Variants in VAV2 observed in about 807,000 individuals in gnomAD.
VAV2 encodes the protein guanine nucleotide exchange factor VAV2.
In VAV2, 67 loss-of-function variants were observed where a neutral mutation model predicts 132.5. The observed-to-expected ratio is 0.51, with a 90% CI of 0.42 to 0.62. VAV2 has a LOEUF of 0.62. Ranked by LOEUF, VAV2 falls within the 20% of genes least tolerant of loss-of-function variation. The pLI is 0.00. For missense variants in VAV2, 938 were observed against 1,153.6 expected (o/e 0.81, Z 2.71); for synonymous variants, 492 against 443.5 (o/e 1.11, Z -1.37).
rs557520408 is a variant in VAV2 at position 133,898,130 on chromosome 9, A to C, written c.322-36698T>G. Among the ~76,000 whole-genome samples the C allele has an allele frequency of 5.3e-5, 8 of 152,184 alleles. No homozygotes were observed. In the East Asian group the frequency reaches 9.6e-4, roughly 18 times the overall value. On this transcript the variant is annotated intron_variant, in intron 2 of 29. Transcript: ENST00000371850. ...TGCATCCGGGTACCCTGAGGCTGGG[A>C]GGGACCTCGGAGATGGGCCTGCCCC...
At chr9:133,858,609 T>C (rs1369806334) in intron 3 of VAV2, among the ~76,000 whole-genome samples, 1 of 152,196 alleles carries the variant, frequency 6.6e-6, no homozygotes, top group Non-Finnish European at 1.5e-5. Context: ...CTACTGTCAC[T>C]GAGTGTGTTT....
Position 133,969,993 on chromosome 9 carries a change from A to G in VAV2, c.204+22082T>C, listed in dbSNP as rs765392191. 1.6e-4 allele frequency among the ~76,000 whole-genome samples: 24 copies of G among 152,040 alleles called. No homozygotes were observed. Among genetic ancestry groups the G allele is most frequent in the Non-Finnish European group, 3.2e-4 (22 of 67,984 alleles). ...TGCAGCCTTCAAGGCAGTGACTCAG[A>G]GTTCCTGCCACCCCCCAGACGTGCA... On this transcript the variant is annotated intron_variant, in intron 1 of 29. Transcript: ENST00000371850. This position sits in a 1 kb window ranked among gnomAD's most constrained non-coding sequence, Gnocchi z 5.1.
At position 133,894,857 on chromosome 9, in the gene VAV2, G is replaced by A. The variant is rs139287597; in HGVS notation, c.322-33425C>T. ...GGCCTGCCATGACGCTATGACCCTA[G>A]GCAGGGTCCAGAGCTGAGCACTCTG... On this transcript the variant is annotated intron_variant, in intron 2 of 29. Transcript: ENST00000371850. 7.0e-3 allele frequency among the ~76,000 whole-genome samples: 1,062 copies of A among 152,232 alleles called. 18 individuals are homozygous for A. The highest frequency in any genetic ancestry group is 0.024 in the African/African-American group (1,014 of 41,542).
intron 2 of VAV2, among the ~76,000 whole-genome samples, chr9:133,923,164 G>A (rs1166860518): frequency 6.6e-6 from 1 of 152,160 alleles, no homozygotes; most frequent in Non-Finnish European, 1.5e-5. Context: ...GCAGAGGACG[G>A]CTATTACCAA....
At position 133,992,245 on chromosome 9, in the gene VAV2, T is replaced by C. The variant is rs780522786; in HGVS notation, c.34A>G (p.Ile12Val). 6 of 1,578,844 alleles carry C rather than the reference T, an allele frequency of 3.8e-6. No homozygotes were observed. The South Asian group carries it at 4.6e-5, about 12-fold the overall frequency. The change falls in exon 1 of 30, where the codon ATC (isoleucine) becomes GTC (valine). Residue 12 changes from isoleucine to valine, a missense_variant. Coordinates refer to ENST00000371850, the MANE Select transcript of VAV2 (RefSeq NM_001134398.2). This position sits in a 1 kb window ranked among gnomAD's most constrained non-coding sequence, Gnocchi z 5.5. ...EQWRQCGRWL[I>V]DCKVLPPNHR... The stretch of plus-strand genomic sequence containing the variant: ...TTGGGCGGCAGGACCTTGCAATCGA[T>C]GAGCCAGCGGCCGCACTGCCGCCAC...
Position 133,992,314 on chromosome 9 carries a change from C to G in VAV2, c.-36G>C, listed in dbSNP as rs548952971. ...GGCCCGACCGGCTCAGGGCAGTGCT[C>G]GAGCCAAAGTGCAGCGGCCGCGGGG... On this transcript the variant is annotated 5_prime_UTR_variant, in exon 1 of 30. Coordinates refer to ENST00000371850, the MANE Select transcript of VAV2 (RefSeq NM_001134398.2). The surrounding 1 kb of genome is among the most constrained non-coding windows in gnomAD (Gnocchi z 5.5). 3.8e-6 allele frequency: 5 copies of G among 1,318,856 alleles called. No individual in the cohort carries two copies. Among genetic ancestry groups the G allele is most frequent in the East Asian group, 6.2e-5 (2 of 32,326 alleles). The allele number at this position is 1,318,856 out of a possible 1,614,324, so 81.7% of individuals were successfully genotyped here. A position where few individuals can be genotyped will look rare whatever the true frequency, so the allele number is the denominator to read the frequency against.
intron 1 of VAV2, among the ~76,000 whole-genome samples, chr9:133,970,875 G>A (rs1210605630): frequency 6.6e-6 from 1 of 152,164 alleles, no homozygotes; most frequent in East Asian, 1.9e-4. Flanking sequence ...GGCTCTCCCT[G>A]GTTAACAGAT....
chr9:133,942,931 G>A (rs374658314), intron 1 of VAV2, among the ~76,000 whole-genome samples: 6 of 152,180 alleles, frequency 3.9e-5, no homozygotes, highest in Non-Finnish European at 7.4e-5. Context: ...TGGGGGCCAC[G>A]TCAGGCTCCA....
intron 9 of VAV2, among the ~76,000 whole-genome samples, chr9:133,803,271 C>G (rs1548380): frequency 0.049 from 7,486 of 152,262 alleles, 298 homozygotes; most frequent in African/African-American, 0.11. Context: ...CAAAAGCGCT[C>G]GTGCAAAGCT....
chr9:133,831,566 T>G (rs1199513080), intron 4 of VAV2, among the ~76,000 whole-genome samples: 1 of 152,088 alleles, frequency 6.6e-6, no homozygotes, highest in Non-Finnish European at 1.5e-5. Flanking sequence ...ATGTGGGGGC[T>G]GTAGTTCAGG....
intron 2 of VAV2, among the ~76,000 whole-genome samples, chr9:133,888,934 G>A (rs1008901522): frequency 2.6e-5 from 4 of 152,196 alleles, no homozygotes; most frequent in African/African-American, 9.6e-5. Context: ...CCCGTCATTC[G>A]CATTCGCAAG....
At chr9:133,913,627 G>A (rs893384209) in intron 2 of VAV2, among the ~76,000 whole-genome samples, 2 of 152,192 alleles carry the variant, frequency 1.3e-5, no homozygotes, top group African/African-American at 4.8e-5. Context: ...GTGCACAATC[G>A]ACACTCATCA....
At chr9:133,784,822 G>C (rs1834152316) in intron 17 of VAV2, among the ~76,000 whole-genome samples, 1 of 152,124 alleles carries the variant, frequency 6.6e-6, no homozygotes, top group Admixed American at 6.5e-5. Context: ...GGTACTCAGG[G>C]GGGCTGCACT....
rs560396589 is a variant in VAV2, at chr9:133,941,259, T to C, written c.205-2040A>G. Among the ~76,000 whole-genome samples, 715 of 152,006 alleles carry C rather than the reference T, an allele frequency of 4.7e-3. 6 individuals carry two copies. Among genetic ancestry groups the C allele is most frequent in the African/African-American group, 0.017 (687 of 41,436 alleles). ...CCTGTCTCTACTAAAAATACAAAAA[T>C]TAGCCGGGCGTGGTGGCGCACACCT... On this transcript the variant is annotated intron_variant, in intron 1 of 29. Coordinates refer to ENST00000371850, the MANE Select transcript of VAV2 (RefSeq NM_001134398.2).
intron 2 of VAV2, among the ~76,000 whole-genome samples, chr9:133,921,901 A>G (rs560849119): frequency 3.0e-4 from 45 of 152,364 alleles, no homozygotes; most frequent in African/African-American, 1.1e-3. Flanking sequence ...TCTGATCGTG[A>G]TGGGACTGGA....
chr9:133,966,424 G>A (rs1588187094), intron 1 of VAV2, among the ~76,000 whole-genome samples: 1 of 152,212 alleles, frequency 6.6e-6, no homozygotes, highest in African/African-American at 2.4e-5. Flanking sequence ...TAAAGAACTC[G>A]GTCCAGCGAG....
At position 133,987,491 on chromosome 9, in the gene VAV2, AG is replaced by A. The variant is rs369484859; in HGVS notation, c.204+4583del. 3.1e-3 allele frequency among the ~76,000 whole-genome samples: 469 copies of A among 152,262 alleles called. 1 individual carries two copies. The highest frequency in any genetic ancestry group is 0.011 in the African/African-American group (446 of 41,548). On this transcript the variant is annotated intron_variant, in intron 1 of 29. Coordinates refer to ENST00000371850, the MANE Select transcript of VAV2 (RefSeq NM_001134398.2). ...GATGGCACACATCAAAAAGGCCCGG[AG>A]GGGGGGATGCCAAAACCATCGCCAG...
At chr9:133,793,811 T>C (rs1834597072) in intron 12 of VAV2, among the ~76,000 whole-genome samples, 1 of 152,102 alleles carries the variant, frequency 6.6e-6, no homozygotes, top group South Asian at 2.1e-4. Context: ...TCAAAGACGC[T>C]GCCGTACAAG....
intron 13 of VAV2, among the ~76,000 whole-genome samples, chr9:133,790,116 A>T (rs773692173): frequency 1.3e-5 from 2 of 152,190 alleles, no homozygotes; most frequent in Non-Finnish European, 2.9e-5. Context: ...ATTCAGAGCC[A>T]GGACTGGGTA....
Sources: gnomAD v4.1 joint callset for allele counts (sites outside exome capture counted in the v4.1 genomes callset) on GRCh38, gnomAD v4.1.1 for gene constraint, Gnocchi (gnomAD v3.1) non-coding constraint, MANE v1.5 for transcripts, NCBI Gene and HGNC (gene_info 2026-07-23, HGNC 2026-07-21) for gene names.